The following PLD5 variants were observed in gnomAD, a reference collection of about 807,000 sequenced individuals.
The protein encoded by PLD5 is phospholipase D family member 5.
In PLD5, 36 loss-of-function variants were observed where a neutral mutation model predicts 61.1. The observed-to-expected ratio is 0.59, with a 90% CI of 0.45 to 0.78. The LOEUF (loss-of-function observed/expected upper bound fraction) is 0.78, where lower values mean the gene tolerates loss of function less well. Ranked by LOEUF, PLD5 falls within the 30% of genes least tolerant of loss-of-function variation. The pLI is 0.00. For synonymous variants in PLD5, 243 were observed against 242.8 expected, an observed-to-expected ratio of 1.00 and a Z score of -0.01; for missense variants, 515 against 644.4, an observed-to-expected ratio of 0.80 and a Z score of 2.17.
chr1:242,446,246 A>AAAAAT (rs1191648363), intron 1 of PLD5, among the ~76,000 whole-genome samples: 2 of 151,072 alleles, frequency 1.3e-5, no homozygotes, highest in Non-Finnish European at 3.0e-5. Context: ...ATAAAATAAT[A>AAAAAT]AAAATAAAAT....
At chr1:242,136,135 TAGA>T (rs1382205275) in intron 5 of PLD5, among the ~76,000 whole-genome samples, 1 of 152,152 alleles carries the variant, frequency 6.6e-6, no homozygotes, top group Non-Finnish European at 1.5e-5. Context: ...TTTCTGAAAA[TAGA>T]AGTAGGAGGC....
At chr1:242,511,196 T>C (rs949962367) in intron 1 of PLD5, among the ~76,000 whole-genome samples, 1 of 152,080 alleles carries the variant, frequency 6.6e-6, no homozygotes, top group Non-Finnish European at 1.5e-5. Flanking sequence ...AAAAGTACCA[T>C]CGAACTGGAT....
intron 4 of PLD5, among the ~76,000 whole-genome samples, chr1:242,222,933 A>C (rs1670693078): frequency 6.6e-6 from 1 of 152,182 alleles, no homozygotes; most frequent in African/African-American, 2.4e-5. Context: ...TGCTATGTAA[A>C]ATTAGGGATA....
chr1:242,481,292 G>A (rs1558597102), intron 1 of PLD5, among the ~76,000 whole-genome samples: 1 of 152,200 alleles, frequency 6.6e-6, no homozygotes, highest in Non-Finnish European at 1.5e-5. Context: ...CAAGGGGTCA[G>A]GGAATTCCCT....
intron 5 of PLD5, among the ~76,000 whole-genome samples, chr1:242,135,780 C>T (rs1663671016): frequency 6.6e-6 from 1 of 152,142 alleles, no homozygotes; most frequent in African/African-American, 2.4e-5. Context: ...TCTCACTCTC[C>T]CAGGGTTTCT....
At chr1:242,515,423 G>C (rs2103006352) in intron 1 of PLD5, among the ~76,000 whole-genome samples, 1 of 152,264 alleles carries the variant, frequency 6.6e-6, no homozygotes, top group Admixed American at 6.5e-5. Flanking sequence ...ATGTTGGTCA[G>C]GCTGGTCTCA....
intron 1 of PLD5, among the ~76,000 whole-genome samples, chr1:242,382,481 G>A (rs1662354997): frequency 6.6e-6 from 1 of 152,082 alleles, no homozygotes; most frequent in African/African-American, 2.4e-5. Context: ...GTGGTGGCCT[G>A]GAAGCTAAGA....
chr1:242,114,872 A>G (rs1398764528), intron 6 of PLD5, among the ~76,000 whole-genome samples: 1 of 151,894 alleles, frequency 6.6e-6, no homozygotes, highest in African/African-American at 2.4e-5. Context: ...ATTACAATGT[A>G]ATAATAATAG....
intron 2 of PLD5, among the ~76,000 whole-genome samples, chr1:242,303,987 T>G (rs1361130999): frequency 2.0e-5 from 3 of 152,232 alleles, no homozygotes; most frequent in East Asian, 1.9e-4. Context: ...CAAATTGACA[T>G]GTACCCCACC....
At chr1:242,352,025 T>C (rs1660505538) in intron 1 of PLD5, among the ~76,000 whole-genome samples, 1 of 152,230 alleles carries the variant, frequency 6.6e-6, no homozygotes, top group African/African-American at 2.4e-5. Flanking sequence ...GTTATAAAAC[T>C]GTCCATCACC....
At chr1:242,227,448 T>C (rs763530979) in intron 4 of PLD5, among the ~76,000 whole-genome samples, 7 of 152,190 alleles carry the variant, frequency 4.6e-5, no homozygotes, top group Non-Finnish European at 7.3e-5. Flanking sequence ...CATTGCAACC[T>C]CTGCCTCATG....
At chr1:242,405,728 A>G (rs1399844733) in intron 1 of PLD5, among the ~76,000 whole-genome samples, 1 of 152,000 alleles carries the variant, frequency 6.6e-6, no homozygotes, top group Non-Finnish European at 1.5e-5. Flanking sequence ...CAGCCTCCCA[A>G]GTAGCTGGGA....
At chr1:242,377,013 G>GT in intron 1 of PLD5, 1 of 1,611,796 alleles carries the variant, frequency 6.2e-7, no homozygotes, top group Non-Finnish European at 8.5e-7. Context: ...AGTTTCAAAA[G>GT]TTTTTGCGCA....
At chr1:242,493,970 G>A (rs1244753275) in intron 1 of PLD5, among the ~76,000 whole-genome samples, 1 of 152,186 alleles carries the variant, frequency 6.6e-6, no homozygotes, top group Non-Finnish European at 1.5e-5. Context: ...TTGAGAGTGA[G>A]CTCAGGTAGC....
chr1:242,152,414 G>T (rs1021034790), intron 5 of PLD5, among the ~76,000 whole-genome samples: 1 of 151,992 alleles, frequency 6.6e-6, no homozygotes, highest in African/African-American at 2.4e-5. Flanking sequence ...GTGCAGTATT[G>T]TTACATAGGT....
At chr1:242,214,325 C>T (rs937110753) in intron 5 of PLD5, among the ~76,000 whole-genome samples, 3 of 152,058 alleles carry the variant, frequency 2.0e-5, no homozygotes, top group Non-Finnish European at 2.9e-5. Flanking sequence ...CCACTTAGCC[C>T]ATCAATATAG....
At chr1:242,271,829 A>G (rs993462669) in intron 3 of PLD5, among the ~76,000 whole-genome samples, 18 of 152,022 alleles carry the variant, frequency 1.2e-4, no homozygotes, top group Admixed American at 1.0e-3. Flanking sequence ...CATGCACTCA[A>G]TGTGGGTTTT....
chr1:242,233,636 A>T (rs1405495741), intron 4 of PLD5, among the ~76,000 whole-genome samples: 3 of 152,176 alleles, frequency 2.0e-5, no homozygotes. Context: ...GGAAGCAAGC[A>T]AGCTAGCTAA....
intron 1 of PLD5, among the ~76,000 whole-genome samples, chr1:242,465,512 C>A (rs1189277175): frequency 6.6e-6 from 1 of 152,222 alleles, no homozygotes; most frequent in South Asian, 2.1e-4. Flanking sequence ...GCCCAGGAGG[C>A]TCTGCATGAT....
Sources: gnomAD v4.1 joint callset for allele counts (sites outside exome capture counted in the v4.1 genomes callset) on GRCh38, gnomAD v4.1.1 for gene constraint, MANE v1.5 for transcripts, NCBI Gene and HGNC (gene_info 2026-07-23, HGNC 2026-07-21) for gene names.